Variants in SUDS3 observed in about 807,000 individuals in gnomAD.
SUDS3 encodes the protein sin3 histone deacetylase corepressor complex component SDS3.
A neutral mutation model predicts 53.5 loss-of-function variants in SUDS3; 23 were observed. The ratio of observed to expected loss-of-function variants is 0.43; its 90% CI spans 0.31 to 0.61. The LOEUF is 0.61. SUDS3 is among the 20% of genes least tolerant of loss of function. The probability of loss-of-function intolerance (pLI) is 0.10; values close to 1 mark genes in which losing one functional copy is unlikely to be tolerated. For missense variants in SUDS3, 291 were observed against 405.9 expected, an observed-to-expected ratio of 0.72 and a Z score of 2.43; for synonymous variants, 150 against 148.5, an observed-to-expected ratio of 1.01 and a Z score of -0.08.
intron 4 of SUDS3, among the ~76,000 whole-genome samples, chr12:118,386,498 C>G (rs1465231678): frequency 6.6e-6 from 1 of 151,774 alleles, no homozygotes; most frequent in Non-Finnish European, 1.5e-5. Flanking sequence ...GATGTACAGT[C>G]AGAAGTGCGG....
chr12:118,381,383 AT>A (rs1224290405), intron 2 of SUDS3, among the ~76,000 whole-genome samples: 1 of 137,408 alleles, frequency 7.3e-6, no homozygotes, highest in African/African-American at 2.8e-5. Flanking sequence ...TTTTGTATTT[AT>A]TTATTTTTTT....
intron 6 of SUDS3, among the ~76,000 whole-genome samples, chr12:118,393,102 G>C (rs764660139): frequency 1.3e-5 from 2 of 152,214 alleles, no homozygotes; most frequent in Non-Finnish European, 2.9e-5. Context: ...GCACTGCCAA[G>C]GTAATGATGG....
chr12:118,390,993 C>A, intron 5 of SUDS3, 133 bp from the exon 6 acceptor site: 1 of 1,025,322 alleles, frequency 9.8e-7, no homozygotes, highest in Non-Finnish European at 1.5e-6. Flanking sequence ...TGTTCTCAGA[C>A]ACACTGTTAC....
chr12:118,405,322 A>T (rs868369060), intron 10 of SUDS3, among the ~76,000 whole-genome samples: 1 of 152,192 alleles, frequency 6.6e-6, no homozygotes, highest in Non-Finnish European at 1.5e-5. Flanking sequence ...TGTTGCTTTG[A>T]ATCTTCCTCT....
At chr12:118,383,917 TC>T in intron 2 of SUDS3, 94 bp from the exon 3 acceptor site, 1 of 1,160,462 alleles carries the variant, frequency 8.6e-7, no homozygotes. Flanking sequence ...TTAATGACCT[TC>T]CCATAACAGC....
intron 9 of SUDS3, chr12:118,402,228 T>A: frequency 1.8e-6 from 1 of 565,704 alleles, no homozygotes. Flanking sequence ...TTCTTAGGAT[T>A]TATCATAAAA....
chr12:118,393,407 C>T (rs2046185432), intron 6 of SUDS3, among the ~76,000 whole-genome samples: 1 of 152,182 alleles, frequency 6.6e-6, no homozygotes, highest in Non-Finnish European at 1.5e-5. Context: ...GCGACCTGCT[C>T]TTTCCCACCA....
At chr12:118,411,719 T>A (rs985065942) in intron 11 of SUDS3, among the ~76,000 whole-genome samples, 1 of 152,054 alleles carries the variant, frequency 6.6e-6, no homozygotes, top group African/African-American at 2.4e-5. Flanking sequence ...GTCAGGCTGG[T>A]CTTGAACTCC....
chr12:118,391,375 A>G (rs2046166704), intron 6 of SUDS3, 93 bp downstream of exon 6: 3 of 1,425,122 alleles, frequency 2.1e-6, no homozygotes, highest in East Asian at 2.3e-5. Flanking sequence ...TTTCAAGAGC[A>G]GAGCAAGGTG....
intron 2 of SUDS3, among the ~76,000 whole-genome samples, chr12:118,381,909 C>T (rs1033649224): frequency 2.0e-5 from 3 of 152,210 alleles, no homozygotes; most frequent in Admixed American, 1.3e-4. Context: ...ACAGGATGAT[C>T]CACATTCATT....
intron 6 of SUDS3, among the ~76,000 whole-genome samples, chr12:118,392,437 G>GA (rs1352605599): frequency 6.6e-6 from 1 of 152,188 alleles, no homozygotes; most frequent in Non-Finnish European, 1.5e-5. Flanking sequence ...TCTGACTTTT[G>GA]AAAAATCTCT....
chr12:118,403,607 G>A (rs1490862032), intron 10 of SUDS3, 90 bp downstream of exon 10: 2 of 1,018,208 alleles, frequency 2.0e-6, no homozygotes, highest in East Asian at 2.6e-5. Flanking sequence ...TCAGATCACG[G>A]CTGCTGCTAA....
At chr12:118,381,701 AG>A (rs1403787358) in intron 2 of SUDS3, among the ~76,000 whole-genome samples, 1 of 152,158 alleles carries the variant, frequency 6.6e-6, no homozygotes, top group Admixed American at 6.6e-5. Flanking sequence ...GCTGACTCTC[AG>A]GCCAGTGCTC....
chr12:118,403,276 T>C, intron 9 of SUDS3, 136 bp from the exon 10 acceptor site: 1 of 711,666 alleles, frequency 1.4e-6, no homozygotes, highest in South Asian at 1.8e-5. Flanking sequence ...TTTGCTGAAA[T>C]CCCATGCATT....
intron 7 of SUDS3, 125 bp downstream of exon 7, chr12:118,400,879 C>T (rs2141381374): frequency 8.9e-6 from 8 of 899,918 alleles, no homozygotes; most frequent in South Asian, 2.9e-5. Context: ...AACTGGAAAG[C>T]GTGTGTTAAA....
At chr12:118,380,718 T>C (rs1383093830) in intron 2 of SUDS3, among the ~76,000 whole-genome samples, 5 of 152,216 alleles carry the variant, frequency 3.3e-5, no homozygotes, top group Non-Finnish European at 5.9e-5. Context: ...TACTCTTTTT[T>C]TTCCTTGAGA....
Position 118,376,821 on chromosome 12 carries a change from G to C in SUDS3, c.130G>C (p.Glu44Gln). The C allele has an allele frequency of 6.5e-7, 1 of 1,544,474 alleles. No homozygotes were observed. The highest frequency in any genetic ancestry group is 1.2e-5 in the South Asian group (1 of 83,540). The change falls in exon 1 of 12, where the codon GAG becomes CAG. Residue 44 changes from glutamate to glutamine, a missense_variant. Glu to Gln is a conservative substitution (Grantham distance 29). Around this residue, in one of 4 missense-constraint regions of SUDS3, gnomAD observed 149 missense variants for 146.5 expected, o/e 1.02. Coordinates refer to ENST00000543473, the MANE Select transcript of SUDS3 (RefSeq NM_022491.3). ...EDDERSCRGR[E>Q]SDEDTEDASE... ...CGACGAGCGCAGCTGTCGGGGCCGCGAGTCGGACGAAGGTGAGTCCTGCCG... is the reference window on the plus strand; with the variant it reads ...CGACGAGCGCAGCTGTCGGGGCCGCCAGTCGGACGAAGGTGAGTCCTGCCG...
Position 118,395,246 on chromosome 12 carries a change from G to C in SUDS3, c.517+3964G>C, listed in dbSNP as rs58892200. Among the ~76,000 whole-genome samples, 3 of 99,984 alleles carry C rather than the reference G, an allele frequency of 3.0e-5. No homozygotes were observed. In the Admixed American group the frequency reaches 3.7e-4, roughly 12 times the overall value. 65.6% of individuals were successfully genotyped at this position (99,984 alleles called of 152,430 possible). On this transcript the variant is annotated intron_variant, in intron 6 of 11. Transcript: ENST00000543473. Reference sequence around the variant, plus strand: ...TTTTTTTTTTTTTTTTTTTTTTTAAGACGGAGTCTCGCTTTGTCCCCCAGG... The same window carrying C: ...TTTTTTTTTTTTTTTTTTTTTTTAACACGGAGTCTCGCTTTGTCCCCCAGG...
At chr12:118,405,334 T>G (rs1284017261) in intron 10 of SUDS3, among the ~76,000 whole-genome samples, 8 of 152,234 alleles carry the variant, frequency 5.3e-5, no homozygotes, top group Admixed American at 5.2e-4. Context: ...TCTTCCTCTT[T>G]CTAAGCTTAA....
Sources: gnomAD v4.1 joint callset for allele counts (sites outside exome capture counted in the v4.1 genomes callset) on GRCh38, gnomAD v4.1.1 for gene constraint, gnomAD v4.1.1 regional missense constraint, MANE v1.5 for transcripts, NCBI Gene and HGNC (gene_info 2026-07-23, HGNC 2026-07-21) for gene names.